CCDC141: variants seen among roughly 807,000 people sequenced by gnomAD.
CCDC141 encodes coiled-coil domain containing 141.
CCDC141 carries 168 observed loss-of-function variants against 181.0 expected under a neutral mutation model. The ratio of observed to expected loss-of-function variants is 0.93; its 90% confidence interval spans 0.82 to 1.05. The LOEUF is 1.05. CCDC141 is among the 50% of genes least tolerant of loss of function. CCDC141 has a pLI of 0.00. For missense variants in CCDC141, 1,902 were observed against 1,788.5 expected (o/e 1.06, Z -1.14); for synonymous variants, 666 against 642.3 (o/e 1.04, Z -0.56).
intron 6 of CCDC141, among the ~76,000 whole-genome samples, chr2:178,927,790 G>C (rs1688964604): frequency 6.6e-6 from 1 of 152,088 alleles, no homozygotes; most frequent in South Asian, 2.1e-4. Context: ...TCTAGAATAG[G>C]ATCCATTTCT....
chr2:179,020,333 TC>T (rs1271223836), intron 2 of CCDC141, among the ~76,000 whole-genome samples: 5 of 152,134 alleles, frequency 3.3e-5, no homozygotes, highest in Admixed American at 6.6e-5. Context: ...TCTGGGCTGA[TC>T]AACACTGCCC....
chr2:178,944,301 C>A, intron 6 of CCDC141, among the ~76,000 whole-genome samples: 1 of 152,096 alleles, frequency 6.6e-6, no homozygotes, highest in Admixed American at 6.6e-5. Flanking sequence ...CACATAGTAA[C>A]TATTCAGAAA....
chr2:179,028,705 A>T (rs16866609), intron 2 of CCDC141, among the ~76,000 whole-genome samples: 3,028 of 152,262 alleles, frequency 0.02, 49 homozygotes, highest in Admixed American at 0.032. Context: ...ATTCTTTATA[A>T]TTCATTACTT....
chr2:178,920,014 A>G (rs1000372431), intron 6 of CCDC141, among the ~76,000 whole-genome samples: 9 of 152,236 alleles, frequency 5.9e-5, no homozygotes, highest in Non-Finnish European at 1.3e-4. Flanking sequence ...GTTGGAGTAA[A>G]CCAAACATAT....
At chr2:179,035,035 A>T (rs916906562) in intron 2 of CCDC141, among the ~76,000 whole-genome samples, 8 of 152,166 alleles carry the variant, frequency 5.3e-5, no homozygotes, top group African/African-American at 1.9e-4. Context: ...TTTTCTGTCA[A>T]GGTTTTCCTG....
chr2:178,845,812 T>G (rs780880401), intron 21 of CCDC141, 70 bp from the exon 22 acceptor site: 41 of 890,144 alleles, frequency 4.6e-5, no homozygotes, highest in Non-Finnish European at 7.6e-5. Context: ...CACTAACTAC[T>G]TGGAAGAAAA....
chr2:178,826,283 G>C (rs192603624), downstream of CCDC141, among the ~76,000 whole-genome samples: 1 of 152,112 alleles, frequency 6.6e-6, no homozygotes, highest in African/African-American at 2.4e-5. Context: ...CAAATCCCAC[G>C]TCTTGTGTGG....
At chr2:178,991,291 C>T (rs1329141888) in intron 2 of CCDC141, among the ~76,000 whole-genome samples, 1 of 152,178 alleles carries the variant, frequency 6.6e-6, no homozygotes, top group Admixed American at 6.5e-5. Context: ...TACTTTCCTC[C>T]CATATAAAAC....
chr2:178,875,899 A>T (rs1558947052), intron 12 of CCDC141: 2 of 152,300 alleles, frequency 1.3e-5, no homozygotes, highest in East Asian at 3.9e-4. Flanking sequence ...TAGAAGTGTG[A>T]GAGAGAGACA....
intron 2 of CCDC141, among the ~76,000 whole-genome samples, chr2:179,020,328 G>T (rs1009323450): frequency 1.3e-5 from 2 of 152,050 alleles, no homozygotes; most frequent in African/African-American, 4.8e-5. Context: ...GCTACTCTGG[G>T]CTGATCAACA....
Position 179,050,081 on chromosome 2 carries a change from G to A in CCDC141, c.-140C>T. Reference sequence around the variant, plus strand: ...CACTGATTACTCTGCCAAAAGGAAAGAACAGGAGGTTAAAAATAGACAACC... The same window carrying A: ...CACTGATTACTCTGCCAAAAGGAAAAAACAGGAGGTTAAAAATAGACAACC... On this transcript the variant is annotated 5_prime_UTR_variant, in exon 1 of 24. Coordinates refer to ENST00000443758, the MANE Select transcript of CCDC141 (RefSeq NM_173648.4). The A allele has an allele frequency of 7.5e-7, 1 of 1,326,270 alleles. No individual in the cohort carries two copies. Among genetic ancestry groups the A allele is most frequent in the South Asian group, 1.6e-5 (1 of 62,738 alleles). 82.2% of individuals were successfully genotyped at this position (1,326,270 alleles called of 1,614,324 possible).
intron 5 of CCDC141, among the ~76,000 whole-genome samples, chr2:178,949,406 T>C (rs562879582): frequency 3.1e-4 from 47 of 152,272 alleles, no homozygotes; most frequent in African/African-American, 1.1e-3. Flanking sequence ...AGTTCAATAA[T>C]TTGCCTAATT....
chr2:178,929,346 A>C (rs956526070), intron 6 of CCDC141, among the ~76,000 whole-genome samples: 8 of 152,200 alleles, frequency 5.3e-5, no homozygotes, highest in Admixed American at 3.9e-4. Flanking sequence ...TTTTTTATAC[A>C]GGTTAATAAA....
In CCDC141 at chr2:178,961,373, C is replaced by T. The variant is rs879850301; in HGVS notation, c.637G>A (p.Ala213Thr). 1.6e-5 allele frequency: 25 copies of T among 1,550,488 alleles called. No individual in the cohort carries two copies. Among genetic ancestry groups the T allele is most frequent in the Non-Finnish European group, 2.2e-5 (25 of 1,146,970 alleles). ...PNVNPELTQG[A>T]HSSCLKVDRL... The stretch of plus-strand genomic sequence containing the variant: ...TCAACCTTCAGACAGCTGCTATGAG[C>T]TCCCTGAGTCAACTCAGGATTCACA... Residue 213 changes from alanine to threonine, a missense_variant, in exon 5 of 24, where the codon GCT becomes ACT. Transcript: ENST00000443758.
At chr2:178,818,444 A>G in the CCDC141 span, among the ~76,000 whole-genome samples, 3 of 151,992 alleles carry the variant, frequency 2.0e-5, no homozygotes, top group Non-Finnish European at 4.4e-5. Flanking sequence ...CCAACCCTCA[A>G]CAGGCCCCAA....
chr2:178,911,742 G>A (rs1163280955), intron 7 of CCDC141, among the ~76,000 whole-genome samples: 1 of 152,136 alleles, frequency 6.6e-6, no homozygotes, highest in Non-Finnish European at 1.5e-5. Flanking sequence ...GAACCTATGT[G>A]ACACACAAAG....
chr2:178,954,009 C>A (rs1690059941), intron 5 of CCDC141, among the ~76,000 whole-genome samples: 1 of 152,148 alleles, frequency 6.6e-6, no homozygotes, highest in African/African-American at 2.4e-5. Context: ...AACCACAAAA[C>A]CTTCTGATAT....
chr2:178,817,618 C>G, the CCDC141 span: 1 of 469,202 alleles, frequency 2.1e-6, no homozygotes, highest in Non-Finnish European at 4.4e-6. Context: ...GGAAGCAGAT[C>G]TCATCCTTCC....
rs547058984 is a variant in CCDC141, at chr2:178,899,085, C to T, written c.1265+6244G>A. Among the ~76,000 whole-genome samples, 8 of 152,052 alleles carry T rather than the reference C, an allele frequency of 5.3e-5. No individual in the cohort carries two copies. In the South Asian group the frequency reaches 8.3e-4, roughly 16 times the overall value. On this transcript the variant is annotated intron_variant, in intron 8 of 23. Transcript: ENST00000443758. ...AACATTTCAATCAACAATGGCGGTCCGACAAGATTATAATGCTCTATTTTT... is the reference window on the plus strand; with the variant it reads ...AACATTTCAATCAACAATGGCGGTCTGACAAGATTATAATGCTCTATTTTT...
Sources: gnomAD v4.1 joint callset for allele counts (sites outside exome capture counted in the v4.1 genomes callset) on GRCh38, gnomAD v4.1.1 for gene constraint, MANE v1.5 for transcripts, NCBI Gene and HGNC (gene_info 2026-07-23, HGNC 2026-07-21) for gene names.